Variants in PNPLA1 observed in about 807,000 individuals in gnomAD.
PNPLA1 encodes the protein patatin like domain 1, omega-hydroxyceramide transacylase, also known as omega-hydroxyceramide transacylase.
A neutral mutation model predicts 51.7 loss-of-function variants in PNPLA1; 36 were observed. The observed-to-expected ratio is 0.70, with a 90% CI of 0.53 to 0.92. PNPLA1 has a LOEUF of 0.92. Ranked by LOEUF, PNPLA1 falls within the 40% of genes least tolerant of loss-of-function variation. PNPLA1 has a pLI of 0.00. For missense variants in PNPLA1, 658 were observed against 682.5 expected (o/e 0.96, Z 0.40); for synonymous variants, 293 against 280.1 (o/e 1.05, Z -0.46).
chr6:36,299,335 G>T (rs4713953), intron 5 of PNPLA1, among the ~76,000 whole-genome samples: 2,157 of 58,684 alleles, frequency 0.037, 63 homozygotes, highest in East Asian at 0.052. Flanking sequence ...TTTTTTGTCT[G>T]TTTTTTTTTT....
intron 1 of PNPLA1, among the ~76,000 whole-genome samples, chr6:36,263,784 CAT>C (rs1769704076): frequency 6.6e-6 from 1 of 152,216 alleles, no homozygotes; most frequent in Non-Finnish European, 1.5e-5. Context: ...CGGCGCCTCT[CAT>C]ATGTAAACTA....
rs1160695581 is a variant in PNPLA1, at chr6:36,313,691, G to T, written c.*1805G>T. ...GCAGCTGGAGGTGTGTACTGTGGGG[G>T]AGACTGACTAGAGAGGCCCGCCCGG... On this transcript the variant is annotated 3_prime_UTR_variant, in exon 9 of 9. Transcript: ENST00000636260. Among the ~76,000 whole-genome samples, 2 of 152,208 alleles carry T rather than the reference G, an allele frequency of 1.3e-5. No individual in the cohort carries two copies. The highest frequency in any genetic ancestry group is 2.9e-5 in the Non-Finnish European group (2 of 68,040).
At chr6:36,291,726 A>T (rs1770691308) in intron 2 of PNPLA1, among the ~76,000 whole-genome samples, 174 bp downstream of exon 2, 1 of 152,166 alleles carries the variant, frequency 6.6e-6, no homozygotes, top group Non-Finnish European at 1.5e-5. Flanking sequence ...GATGAGATGG[A>T]CACAGAAGCC....
At chr6:36,270,772 G>A in intron 1 of PNPLA1, 108 bp downstream of exon 1, 1 of 1,317,424 alleles carries the variant, frequency 7.6e-7, no homozygotes, top group African/African-American at 1.5e-5. Context: ...GCCAGGCCTG[G>A]GTGGCAGGAA....
chr6:36,295,275 G>A (rs1770822140), intron 4 of PNPLA1, 89 bp from the exon 5 acceptor site: 4 of 1,320,024 alleles, frequency 3.0e-6, no homozygotes, highest in East Asian at 2.3e-5. Flanking sequence ...AAATTCAAGA[G>A]CAATGGGAGT....
At chr6:36,270,712 A>G (rs1407681600) in intron 1 of PNPLA1, 48 bp downstream of exon 1, 2 of 1,537,156 alleles carry the variant, frequency 1.3e-6, no homozygotes, top group East Asian at 2.5e-5. Context: ...GGGGGATTCC[A>G]CAGAGACAGA....
intron 5 of PNPLA1, among the ~76,000 whole-genome samples, chr6:36,299,043 C>T (rs1284356887): frequency 1.3e-5 from 2 of 152,010 alleles, no homozygotes; most frequent in East Asian, 3.9e-4. Flanking sequence ...GGCCGATTTT[C>T]TTCCTTTTTA....
At chr6:36,272,611 C>T (rs916561076) in intron 1 of PNPLA1, among the ~76,000 whole-genome samples, 3 of 152,054 alleles carry the variant, frequency 2.0e-5, no homozygotes, top group Non-Finnish European at 4.4e-5. Flanking sequence ...GATCTCTGAA[C>T]GATGGGCAGA....
At chr6:36,301,378 C>T (rs904547415) in intron 5 of PNPLA1, among the ~76,000 whole-genome samples, 30 of 152,204 alleles carry the variant, frequency 2.0e-4, no homozygotes, top group East Asian at 1.2e-3. Context: ...TGACATGGTC[C>T]GGCCCCTGCC....
At position 36,273,931 on chromosome 6, in the gene PNPLA1, C is replaced by A. The variant is rs375207620; in HGVS notation, c.205+3267C>A. Among the ~76,000 whole-genome samples, 190 of 151,946 alleles carry A rather than the reference C, an allele frequency of 1.3e-3. 3 individuals carry two copies. The South Asian group carries it at 0.032, about 25-fold the overall frequency. Reference sequence around the variant, plus strand: ...ATCAAGGACTAGACTGTGGGCTGCTCGTAATTATCGCAGAAGTCCAGGGAA... The same window carrying A: ...ATCAAGGACTAGACTGTGGGCTGCTAGTAATTATCGCAGAAGTCCAGGGAA... On this transcript the variant is annotated intron_variant, in intron 1 of 8. Transcript: ENST00000636260.
At chr6:36,286,512 G>A (rs182927757) in intron 1 of PNPLA1, among the ~76,000 whole-genome samples, 1 of 152,110 alleles carries the variant, frequency 6.6e-6, no homozygotes, top group African/African-American at 2.4e-5. Context: ...CTACTCAGGA[G>A]GCTGAGGTGG....
chr6:36,258,832 A>T (rs1769586538), intron 1 of PNPLA1, among the ~76,000 whole-genome samples: 1 of 152,216 alleles, frequency 6.6e-6, no homozygotes, highest in South Asian at 2.1e-4. Context: ...TGCCTTTAAT[A>T]TGAAGGTTTG....
At chr6:36,244,918 C>G (rs1415657752) in intron 1 of PNPLA1, among the ~76,000 whole-genome samples, 1 of 152,164 alleles carries the variant, frequency 6.6e-6, no homozygotes, top group Non-Finnish European at 1.5e-5. Flanking sequence ...ATGCTTAAGC[C>G]CCGAACTCCA....
chr6:36,276,045 G>A (rs1289032626), intron 1 of PNPLA1, among the ~76,000 whole-genome samples: 1 of 148,514 alleles, frequency 6.7e-6, no homozygotes, highest in Admixed American at 6.7e-5. Context: ...TGCAACCTCC[G>A]CCTCCTGGGT....
In PNPLA1 at chr6:36,306,268, C is replaced by T. The variant is rs375616407; in HGVS notation, c.1385-24C>T. ...ATATCCCCCCTCCCCATCTCACTCC[C>T]GTTTCCTATATCTTTACTTTTAGCT... On this transcript the variant is annotated intron_variant, in intron 6 of 8. Transcript: ENST00000636260. The T allele has an allele frequency of 2.3e-4, 361 of 1,581,052 alleles. No individual in the cohort carries two copies. The African/African-American group carries it at 2.9e-3, about 13-fold the overall frequency.
rs1561859436 is a variant in PNPLA1 at position 36,282,123 on chromosome 6, AGG to A, written c.206-9196_206-9195del. 2.0e-3 allele frequency among the ~76,000 whole-genome samples: 244 copies of A among 120,230 alleles called. 5 individuals carry two copies. Among genetic ancestry groups the A allele is most frequent in the Middle Eastern group, 4.2e-3 (1 of 240 alleles). The allele number at this position is 120,230 out of a possible 152,430, so 78.9% of individuals were successfully genotyped here. A position where few individuals can be genotyped will look rare whatever the true frequency, so the allele number is the denominator to read the frequency against. On this transcript the variant is annotated intron_variant, in intron 1 of 8. Transcript: ENST00000636260. Reference sequence around the variant, plus strand: ...AAGGAAGGAAGGAAGGAAGGAAGGAAGGAAGGAAGGAAGGAAAGAGAGACAGA... The same window carrying A: ...AAGGAAGGAAGGAAGGAAGGAAGGAAAAGGAAGGAAGGAAAGAGAGACAGA...
intron 1 of PNPLA1, among the ~76,000 whole-genome samples, chr6:36,282,147 C>CAG (rs766622615): frequency 1.4e-5 from 1 of 69,330 alleles, no homozygotes; most frequent in Non-Finnish European, 2.9e-5. Flanking sequence ...GAAAGAGAGA[C>CAG]AGAGAGAGAG....
In PNPLA1 at chr6:36,270,100, T is replaced by A. The variant is rs1056411805; in HGVS notation, c.-360T>A. Among the ~76,000 whole-genome samples the A allele has an allele frequency of 6.6e-6, 1 of 152,232 alleles. No homozygotes were observed. The highest frequency in any genetic ancestry group is 2.4e-5 in the African/African-American group (1 of 41,464). On this transcript the variant is annotated 5_prime_UTR_variant, in exon 1 of 9. Coordinates refer to ENST00000636260, the MANE Select transcript of PNPLA1 (RefSeq NM_001374623.1). Reference sequence around the variant, plus strand: ...CTGGGGAGCAGTGAATGCGCCCTGGTATACCATGGATGGGCAGAGGGCTGA... The same window carrying A: ...CTGGGGAGCAGTGAATGCGCCCTGGAATACCATGGATGGGCAGAGGGCTGA...
intron 1 of PNPLA1, among the ~76,000 whole-genome samples, chr6:36,244,898 C>G (rs926594554): frequency 2.6e-5 from 4 of 152,170 alleles, no homozygotes; most frequent in Middle Eastern, 3.2e-3. Context: ...CAAGGAGAAT[C>G]GGGCAGCTCA....
Sources: gnomAD v4.1 joint callset for allele counts (sites outside exome capture counted in the v4.1 genomes callset) on GRCh38, gnomAD v4.1.1 for gene constraint, MANE v1.5 for transcripts, NCBI Gene and HGNC (gene_info 2026-07-23, HGNC 2026-07-21) for gene names.